Variants in WWOX observed in about 807,000 individuals in gnomAD.
WWOX encodes WW domain-containing oxidoreductase.
WWOX carries 69 observed loss-of-function variants against 46.2 expected under a neutral mutation model. The ratio of observed to expected loss-of-function variants is 1.49; its 90% confidence interval spans 1.23 to 1.82. WWOX has a LOEUF of 1.82. Ranked by LOEUF, WWOX falls within the 40% of genes most tolerant of loss-of-function variation. WWOX has a pLI of 0.00. For synonymous variants in WWOX, 359 were observed against 202.6 expected, an observed-to-expected ratio of 1.77 and a Z score of -6.56; for missense variants, 919 against 542.6, an observed-to-expected ratio of 1.69 and a Z score of -6.89.
chr16:78,597,422 C>T (rs1447068568), intron 8 of WWOX, among the ~76,000 whole-genome samples: 1 of 152,176 alleles, frequency 6.6e-6, no homozygotes, highest in African/African-American at 2.4e-5. Context: ...TGAGTGCCCG[C>T]ATCAGTGGGC....
At chr16:79,042,585 A>G (rs2656612) in intron 8 of WWOX, among the ~76,000 whole-genome samples, 29,024 of 152,190 alleles carry the variant, frequency 0.19, 2,861 homozygotes, top group East Asian at 0.25. Context: ...ATAATGCAGC[A>G]TGGAAATTTG....
chr16:78,256,144 C>G (rs1184589174), intron 5 of WWOX, among the ~76,000 whole-genome samples: 45 of 92,158 alleles, frequency 4.9e-4, no homozygotes, highest in Admixed American at 3.9e-4. Flanking sequence ...AGCAAGACTC[C>G]ATCTCAAAAA....
chr16:78,807,347 AAAAC>A (rs1163419539), intron 8 of WWOX, among the ~76,000 whole-genome samples: 2 of 152,232 alleles, frequency 1.3e-5, no homozygotes, highest in Non-Finnish European at 1.5e-5. Context: ...CAGTGAATCT[AAAAC>A]AAGAGGACCA....
At chr16:78,886,013 C>G (rs937515523) in intron 8 of WWOX, among the ~76,000 whole-genome samples, 1 of 150,322 alleles carries the variant, frequency 6.7e-6, no homozygotes, top group African/African-American at 2.4e-5. Context: ...CAACCTCTGC[C>G]TCCCAAGTTC....
At chr16:78,859,616 A>G (rs1412936937) in intron 8 of WWOX, among the ~76,000 whole-genome samples, 1 of 152,094 alleles carries the variant, frequency 6.6e-6, no homozygotes, top group Non-Finnish European at 1.5e-5. Flanking sequence ...TCAGCATTTT[A>G]TGTGTCAGTC....
chr16:78,660,434 T>G (rs1318969621), intron 8 of WWOX, among the ~76,000 whole-genome samples: 1 of 152,130 alleles, frequency 6.6e-6, no homozygotes, highest in Non-Finnish European at 1.5e-5. Context: ...TAACACAGCT[T>G]TCATTTTTCA....
chr16:78,154,237 G>T (rs1411190011), intron 4 of WWOX, among the ~76,000 whole-genome samples: 1 of 152,112 alleles, frequency 6.6e-6, no homozygotes, highest in Admixed American at 6.6e-5. Context: ...GGATAAGAGG[G>T]CACCTCGTCC....
intron 8 of WWOX, among the ~76,000 whole-genome samples, chr16:78,509,460 TA>T (rs2085303314): frequency 4.0e-5 from 6 of 151,214 alleles, no homozygotes; most frequent in African/African-American, 1.2e-4. Flanking sequence ...AATAATATAA[TA>T]ATAATAATAA....
At chr16:78,813,463 T>C (rs955958683) in intron 8 of WWOX, among the ~76,000 whole-genome samples, 1 of 152,184 alleles carries the variant, frequency 6.6e-6, no homozygotes, top group African/African-American at 2.4e-5. Flanking sequence ...AGATCATCTA[T>C]TCTAATTTCT....
chr16:78,507,991 T>C (rs2085257158), intron 8 of WWOX, among the ~76,000 whole-genome samples: 1 of 26,186 alleles, frequency 3.8e-5, no homozygotes, highest in South Asian at 8.7e-4. Flanking sequence ...GATTTTTGGT[T>C]GCGTGCGTGT....
At chr16:78,791,733 G>A (rs112588510) in intron 8 of WWOX, among the ~76,000 whole-genome samples, 3 of 152,022 alleles carry the variant, frequency 2.0e-5, no homozygotes, top group Non-Finnish European at 4.4e-5. Flanking sequence ...CAAAAAATTA[G>A]CTGGGATTTG....
At chr16:79,065,951 A>C (rs2048433345) in intron 8 of WWOX, among the ~76,000 whole-genome samples, 1 of 152,152 alleles carries the variant, frequency 6.6e-6, no homozygotes, top group African/African-American at 2.4e-5. Context: ...AGAAAGTTTC[A>C]TTAGCTCATG....
chr16:78,779,510 CATT>C (rs1310285122), intron 8 of WWOX, among the ~76,000 whole-genome samples: 2 of 152,256 alleles, frequency 1.3e-5, no homozygotes, highest in East Asian at 1.9e-4. Context: ...GGATTGCTGA[CATT>C]ATTAGTTGCT....
chr16:78,378,864 A>C (rs1244922483), intron 5 of WWOX, among the ~76,000 whole-genome samples: 1 of 152,204 alleles, frequency 6.6e-6, no homozygotes, highest in East Asian at 1.9e-4. Flanking sequence ...AATAAATATG[A>C]TATAAAACAG....
intron 8 of WWOX, among the ~76,000 whole-genome samples, chr16:78,472,185 A>G (rs991363233): frequency 3.3e-5 from 5 of 152,138 alleles, no homozygotes; most frequent in African/African-American, 1.2e-4. Context: ...TAAAACCCCA[A>G]CCACCTAGAA....
chr16:78,169,653 T>C (rs1332838620), intron 5 of WWOX, among the ~76,000 whole-genome samples: 1 of 152,178 alleles, frequency 6.6e-6, no homozygotes. Flanking sequence ...TTCTAAATTT[T>C]AGATCCCCGG....
chr16:78,983,736 A>C (rs1012641741), intron 8 of WWOX, among the ~76,000 whole-genome samples: 1 of 152,214 alleles, frequency 6.6e-6, no homozygotes, highest in African/African-American at 2.4e-5. Flanking sequence ...AAGGCATTTC[A>C]GGAGTGAGAG....
At position 79,166,079 on chromosome 16, in the gene WWOX, C is replaced by T. The variant is rs542442455; in HGVS notation, c.1057-45529C>T. On this transcript the variant is annotated intron_variant, in intron 8 of 8. Coordinates refer to ENST00000566780, the MANE Select transcript of WWOX (RefSeq NM_016373.4). Reference sequence around the variant, plus strand: ...GCTGCGTCCCAGCAGCATAGACCAGCTTTACCTCCCAGCGTAGTCTTCAGA... The same window carrying T: ...GCTGCGTCCCAGCAGCATAGACCAGTTTTACCTCCCAGCGTAGTCTTCAGA... 9.8e-5 allele frequency among the ~76,000 whole-genome samples: 15 copies of T among 152,356 alleles called. No individual in the cohort carries two copies. The East Asian group carries it at 2.9e-3, about 29-fold the overall frequency.
chr16:78,235,976 C>G (rs2037423825), intron 5 of WWOX, among the ~76,000 whole-genome samples: 1 of 152,164 alleles, frequency 6.6e-6, no homozygotes, highest in Non-Finnish European at 1.5e-5. Flanking sequence ...GCTTTATGGT[C>G]TCTGTTGCAA....
Sources: allele counts gnomAD v4.1 joint callset (sites outside exome capture counted in the v4.1 genomes callset), GRCh38; gene constraint gnomAD v4.1.1; transcripts MANE v1.5; gene names NCBI Gene and HGNC (gene_info 2026-07-23, HGNC 2026-07-21).